Variants in EXT1 observed in about 807,000 individuals in gnomAD.
The protein encoded by EXT1 is exostosin glycosyltransferase 1.
Under a neutral mutation model 82.5 loss-of-function variants are expected in EXT1, and 20 were observed. The ratio of observed to expected loss-of-function variants is 0.24; its 90% CI spans 0.17 to 0.35. The LOEUF (loss-of-function observed/expected upper bound fraction) is 0.35, where lower values mean the gene tolerates loss of function less well. Ranked by LOEUF, EXT1 falls within the 10% of genes least tolerant of loss-of-function variation. The pLI, the probability that EXT1 is intolerant of heterozygous loss-of-function variation, is 1.00. For synonymous variants in EXT1, 348 were observed against 350.8 expected (o/e 0.99, Z 0.09); for missense variants, 757 against 936.5 (o/e 0.81, Z 2.50).
At chr8:117,875,195 C>G (rs1416937683) in intron 1 of EXT1, among the ~76,000 whole-genome samples, 1 of 151,904 alleles carries the variant, frequency 6.6e-6, no homozygotes, top group Non-Finnish European at 1.5e-5. Context: ...GGCAGGCAGA[C>G]CACTTGAGGT....
chr8:118,050,994 C>T (rs969774162), intron 1 of EXT1, among the ~76,000 whole-genome samples: 1 of 152,172 alleles, frequency 6.6e-6, no homozygotes, highest in Admixed American at 6.5e-5. Context: ...AAAAAAGAAT[C>T]CCTGCTATTA....
chr8:117,839,008 ATTTAC>A (rs1812230574), intron 1 of EXT1, among the ~76,000 whole-genome samples: 1 of 152,210 alleles, frequency 6.6e-6, no homozygotes, highest in South Asian at 2.1e-4. Flanking sequence ...TAGTTGCAGA[ATTTAC>A]TTTAGGGAAT....
chr8:117,907,110 T>C (rs1014615875), intron 1 of EXT1, among the ~76,000 whole-genome samples: 1 of 152,186 alleles, frequency 6.6e-6, no homozygotes, highest in African/African-American at 2.4e-5. Context: ...TATCCCTTCT[T>C]CCTTTTCTCC....
intron 1 of EXT1, among the ~76,000 whole-genome samples, chr8:117,859,990 T>C (rs1247288154): frequency 1.3e-5 from 2 of 151,498 alleles, no homozygotes; most frequent in Non-Finnish European, 1.5e-5. Context: ...CTACTAAAAA[T>C]ACAAAAATTA....
chr8:118,046,412 A>G (rs1179756861), intron 1 of EXT1, among the ~76,000 whole-genome samples: 1 of 152,108 alleles, frequency 6.6e-6, no homozygotes, highest in Non-Finnish European at 1.5e-5. Context: ...CTCCACCAGC[A>G]CTAACTCGTC....
intron 1 of EXT1, among the ~76,000 whole-genome samples, chr8:118,094,799 C>T (rs529995511): frequency 5.3e-4 from 81 of 152,186 alleles, no homozygotes; most frequent in Non-Finnish European, 8.2e-4. Context: ...GACGTGTGTT[C>T]CATTTCGGAT....
rs188255981 is a variant in EXT1 at position 118,055,011 on chromosome 8, G to T, written c.962+55074C>A. Among the ~76,000 whole-genome samples the T allele has an allele frequency of 3.4e-4, 51 of 151,838 alleles. No individual in the cohort carries two copies. In the East Asian group the frequency reaches 8.9e-3, roughly 26 times the overall value. ...CTTTATGGAGCTATAATTGATATGC[G>T]ATAAATTGCACATTGGTAAACTGTA... On this transcript the variant is annotated intron_variant, in intron 1 of 10. Coordinates refer to ENST00000378204, the MANE Select transcript of EXT1 (RefSeq NM_000127.3).
intron 1 of EXT1, among the ~76,000 whole-genome samples, chr8:117,985,669 A>C (rs1285007379): frequency 1.3e-5 from 2 of 152,240 alleles, no homozygotes; most frequent in African/African-American, 4.8e-5. Flanking sequence ...TTAAAAAAAA[A>C]ACTGTTCATT....
At chr8:117,904,528 T>C (rs1813506768) in intron 1 of EXT1, among the ~76,000 whole-genome samples, 1 of 152,204 alleles carries the variant, frequency 6.6e-6, no homozygotes, top group Non-Finnish European at 1.5e-5. Context: ...TTCTTTAAAA[T>C]ATCATAGGAG....
At chr8:117,942,649 T>C (rs998058843) in intron 1 of EXT1, among the ~76,000 whole-genome samples, 4 of 152,064 alleles carry the variant, frequency 2.6e-5, no homozygotes, top group African/African-American at 9.7e-5. Flanking sequence ...AGGTGGAGGT[T>C]GCGGTGAGCT....
chr8:118,031,695 T>C lies in EXT1; in HGVS notation c.962+78390A>G, dbSNP rs188467204. On this transcript the variant is annotated intron_variant, in intron 1 of 10. Transcript: ENST00000378204. ...CTTGAAGACACACATCTCTGTCCTA[T>C]CCCCGAGAAGTAAACAAGGGCTTAT... Among the ~76,000 whole-genome samples the C allele has an allele frequency of 3.8e-3, 579 of 152,076 alleles. 1 individual carries two copies. The highest frequency in any genetic ancestry group is 0.013 in the African/African-American group (544 of 41,484).
intron 1 of EXT1, among the ~76,000 whole-genome samples, chr8:117,992,438 TAAAAAA>T (rs142840509): frequency 1.9e-5 from 1 of 53,102 alleles, no homozygotes; most frequent in Non-Finnish European, 3.9e-5. Flanking sequence ...TTCAACTAGC[TAAAAAA>T]AAAAAAAAAA....
In EXT1 at chr8:117,819,638, G is replaced by C. The variant is rs200667919; in HGVS notation, c.1536+38C>G. 4.7e-4 allele frequency: 734 copies of C among 1,568,916 alleles called. 4 individuals are homozygous for C. The African/African-American group carries it at 8.7e-3, about 19-fold the overall frequency. ...AGGGCGGAGTCTCTGGTCTGGAGCTGGAGCAGGCAGGGGCTTCTCTGTCAA... is the reference window on the plus strand; with the variant it reads ...AGGGCGGAGTCTCTGGTCTGGAGCTCGAGCAGGCAGGGGCTTCTCTGTCAA... On this transcript the variant is annotated intron_variant, in intron 6 of 10. Transcript: ENST00000378204.
intron 1 of EXT1, among the ~76,000 whole-genome samples, chr8:118,019,800 C>A (rs1816068472): frequency 6.6e-6 from 1 of 152,230 alleles, no homozygotes; most frequent in Non-Finnish European, 1.5e-5. Context: ...AAGTTACCCA[C>A]TTGGTAAGTG....
rs1165206936 is a variant in EXT1 at position 117,958,811 on chromosome 8, A to G, written c.963-121610T>C. On this transcript the variant is annotated intron_variant, in intron 1 of 10. Transcript: ENST00000378204. ...GTATGTAATTTACTAAAGTTAAATT[A>G]TTCCATTGAAAACAGATTCAAGGCC... 3.3e-5 allele frequency among the ~76,000 whole-genome samples: 5 copies of G among 152,252 alleles called. No homozygotes were observed. The East Asian group carries it at 9.6e-4, about 29-fold the overall frequency.
chr8:118,021,866 T>C (rs1816108381), intron 1 of EXT1, among the ~76,000 whole-genome samples: 1 of 152,216 alleles, frequency 6.6e-6, no homozygotes, highest in South Asian at 2.1e-4. Flanking sequence ...TATCTCCTTC[T>C]AGCATAAAGA....
In EXT1 at chr8:117,982,234, T is replaced by C. The variant is rs113983103; in HGVS notation, c.962+127851A>G. On this transcript the variant is annotated intron_variant, in intron 1 of 10. Coordinates refer to ENST00000378204, the MANE Select transcript of EXT1 (RefSeq NM_000127.3). ...CACGTTTGTGGCAGAATTCAGTTCC[T>C]TGCGGGTGTAAGACTGACATATCTG... Among the ~76,000 whole-genome samples, 970 of 152,276 alleles carry C rather than the reference T, an allele frequency of 6.4e-3. 9 individuals carry two copies. Among genetic ancestry groups the C allele is most frequent in the African/African-American group, 0.022 (933 of 41,544 alleles).
In EXT1 at chr8:118,110,438, G is replaced by A. The variant is rs886042484; in HGVS notation, c.609C>T (p.Tyr203=). The A allele has an allele frequency of 3.7e-6, 6 of 1,614,048 alleles. No homozygotes were observed. The Admixed American group carries it at 6.7e-5, about 18-fold the overall frequency. The change falls in exon 1 of 11, where the codon TAC becomes TAT. Residue 203 remains tyrosine, a synonymous_variant. Transcript: ENST00000378204. ...CGATGTCAAACCCCACGTCCTCGGT[G>A]TAGTCAGGCCAAGTGCCGGAATATA... ...FNLYSGTWPD[Y]TEDVGFDIGQ...
intron 1 of EXT1, among the ~76,000 whole-genome samples, chr8:118,004,683 C>T (rs1474240417): frequency 6.6e-6 from 1 of 152,188 alleles, no homozygotes; most frequent in African/African-American, 2.4e-5. Flanking sequence ...TCTTGAGCTT[C>T]CCTTACATCA....
Sources: allele counts gnomAD v4.1 joint callset (sites outside exome capture counted in the v4.1 genomes callset), GRCh38; gene constraint gnomAD v4.1.1; transcripts MANE v1.5; gene names NCBI Gene and HGNC (gene_info 2026-07-23, HGNC 2026-07-21).